RAVER2: variants seen among roughly 807,000 people sequenced by gnomAD.
RAVER2 encodes ribonucleoprotein, PTB binding 2, also known as ribonucleoprotein PTB-binding 2.
A neutral mutation model predicts 78.1 loss-of-function variants in RAVER2; 46 were observed. The observed-to-expected ratio is 0.59, with a 90% confidence interval of 0.46 to 0.75. The LOEUF is 0.75. Ranked by LOEUF, RAVER2 falls within the 30% of genes least tolerant of loss-of-function variation. The pLI is 0.00. For missense variants in RAVER2, 793 were observed against 837.5 expected (o/e 0.95, Z 0.66); for synonymous variants, 311 against 313.3 (o/e 0.99, Z 0.08).
chr1:64,797,344 G>C (rs905449101), intron 5 of RAVER2, among the ~76,000 whole-genome samples: 7 of 152,196 alleles, frequency 4.6e-5, no homozygotes, highest in African/African-American at 1.7e-4. Flanking sequence ...CTAAGGGTAA[G>C]AGCAGGTAGG....
intron 4 of RAVER2, among the ~76,000 whole-genome samples, chr1:64,784,243 G>A (rs80091449): frequency 0.043 from 6,565 of 152,162 alleles, 311 homozygotes; most frequent in East Asian, 0.2. Flanking sequence ...AGACTTAGTC[G>A]TGTGCACCTG....
At chr1:64,833,096 T>TGTTG (rs1159943178) in exon 12 of RAVER2, 4 of 180,174 alleles carry the variant, frequency 2.2e-5, no homozygotes, top group Non-Finnish European at 2.4e-5. Context: ...AAGTGGTGTT[T>TGTTG]GTTTGTTTGT....
intron 1 of RAVER2, among the ~76,000 whole-genome samples, chr1:64,749,378 T>G (rs1651632827): frequency 6.6e-6 from 1 of 152,130 alleles, no homozygotes; most frequent in Non-Finnish European, 1.5e-5. Flanking sequence ...GCTCGGCTAA[T>G]TTTTGTGTTT....
At chr1:64,787,510 CA>C (rs765925782) in intron 4 of RAVER2, among the ~76,000 whole-genome samples, 9 of 152,192 alleles carry the variant, frequency 5.9e-5, no homozygotes, top group Non-Finnish European at 1.3e-4. Flanking sequence ...TCTTCATTTC[CA>C]CCCCTGCTCT....
At chr1:64,805,232 T>G (rs771851021) in intron 8 of RAVER2, 127 bp downstream of exon 8, 15 of 832,226 alleles carry the variant, frequency 1.8e-5, no homozygotes, top group Non-Finnish European at 2.8e-5. Flanking sequence ...ATTTAAAATT[T>G]TGAGAACCCT....
At chr1:64,755,736 T>G (rs1000551887) in intron 1 of RAVER2, among the ~76,000 whole-genome samples, 16 of 142,972 alleles carry the variant, frequency 1.1e-4, no homozygotes, top group African/African-American at 3.1e-4. Context: ...TTTTTTTTTT[T>G]TTTTTTTTTT....
chr1:64,817,048 AATTTAC>A (rs1171984121), intron 11 of RAVER2, among the ~76,000 whole-genome samples: 6 of 152,220 alleles, frequency 3.9e-5, no homozygotes, highest in African/African-American at 7.2e-5. Flanking sequence ...AACTCAAACA[AATTTAC>A]CAGCAGAAAA....
chr1:64,765,229 G>A (rs556812569), intron 1 of RAVER2, among the ~76,000 whole-genome samples: 2 of 152,254 alleles, frequency 1.3e-5, no homozygotes, highest in Non-Finnish European at 2.9e-5. Flanking sequence ...ATATGCATAC[G>A]TACACCACAG....
At chr1:64,770,177 C>T (rs1652276950) in intron 2 of RAVER2, among the ~76,000 whole-genome samples, 1 of 151,952 alleles carries the variant, frequency 6.6e-6, no homozygotes, top group African/African-American at 2.4e-5. Context: ...ACTGTTTCTC[C>T]ATAACTGAAG....
At chr1:64,799,252 G>A (rs1215785648) in intron 5 of RAVER2, among the ~76,000 whole-genome samples, 3 of 152,112 alleles carry the variant, frequency 2.0e-5, no homozygotes, top group Non-Finnish European at 4.4e-5. Context: ...CAAATGACCA[G>A]CTTTCCTTTT....
At chr1:64,823,021 T>C (rs1653923659) in intron 11 of RAVER2, among the ~76,000 whole-genome samples, 1 of 152,118 alleles carries the variant, frequency 6.6e-6, no homozygotes, top group African/African-American at 2.4e-5. Flanking sequence ...TATTGGGGGC[T>C]GGAGGAAGGA....
At chr1:64,804,350 A>G (rs1388822013) in intron 6 of RAVER2, among the ~76,000 whole-genome samples, 1 of 152,110 alleles carries the variant, frequency 6.6e-6, no homozygotes, top group Non-Finnish European at 1.5e-5. Context: ...AGGGGATTGT[A>G]AGATCTATGA....
At chr1:64,793,210 GA>G (rs536027103) in intron 5 of RAVER2, among the ~76,000 whole-genome samples, 126 of 148,748 alleles carry the variant, frequency 8.5e-4, no homozygotes, top group African/African-American at 2.5e-3. Context: ...CTCAAGAAAA[GA>G]AAAAAAAAAT....
chr1:64,754,954 A>G (rs967030342), intron 1 of RAVER2, among the ~76,000 whole-genome samples: 16 of 152,202 alleles, frequency 1.1e-4, no homozygotes, highest in Non-Finnish European at 1.6e-4. Flanking sequence ...TAAACAAATC[A>G]ACCATGCGAC....
chr1:64,788,950 C>T (rs553275480), intron 4 of RAVER2, among the ~76,000 whole-genome samples: 33 of 152,222 alleles, frequency 2.2e-4, no homozygotes, highest in Non-Finnish European at 4.1e-4. Context: ...CTCAAGTGAT[C>T]CTCCTGCCTC....
chr1:64,798,515 G>C (rs1179908266), intron 5 of RAVER2, among the ~76,000 whole-genome samples: 1 of 151,872 alleles, frequency 6.6e-6, no homozygotes, highest in Non-Finnish European at 1.5e-5. Context: ...TTCCACAATG[G>C]TTGAACTAGT....
At chr1:64,753,495 C>T (rs941163711) in intron 1 of RAVER2, among the ~76,000 whole-genome samples, 5 of 150,358 alleles carry the variant, frequency 3.3e-5, no homozygotes, top group Admixed American at 6.7e-5. Context: ...CTTGATCCAA[C>T]GTCTACCCTC....
chr1:64,823,919 G>A (rs1384220327), intron 11 of RAVER2, among the ~76,000 whole-genome samples: 3 of 149,464 alleles, frequency 2.0e-5, no homozygotes, highest in African/African-American at 7.4e-5. Flanking sequence ...TGATTCTCCT[G>A]CCTCAGCGTC....
chr1:64,810,752 G>A (rs1298689813), intron 9 of RAVER2, among the ~76,000 whole-genome samples: 1 of 152,082 alleles, frequency 6.6e-6, no homozygotes, highest in Non-Finnish European at 1.5e-5. Context: ...TAAAGTTTCT[G>A]CCCATTTTAA....
Sources: allele counts gnomAD v4.1 joint callset (sites outside exome capture counted in the v4.1 genomes callset), GRCh38; gene constraint gnomAD v4.1.1; transcripts MANE v1.5; gene names NCBI Gene and HGNC (gene_info 2026-07-23, HGNC 2026-07-21).